The following PPP2R5E variants were observed in gnomAD, a reference collection of about 807,000 sequenced individuals.
PPP2R5E encodes the protein protein phosphatase 2 regulatory subunit B'epsilon, also known as serine/threonine-protein phosphatase 2A 56 kDa regulatory subunit epsilon isoform.
PPP2R5E carries 4 observed loss-of-function variants against 65.3 expected under a neutral mutation model. The ratio of observed to expected loss-of-function variants is 0.06; its 90% CI spans 0.03 to 0.14. The LOEUF is 0.14. Among genes scored for constraint, PPP2R5E ranks in the 10% least tolerant of loss-of-function variants. The probability of loss-of-function intolerance (pLI) is 1.00; values close to 1 mark genes in which losing one functional copy is unlikely to be tolerated. For synonymous variants in PPP2R5E, 183 were observed against 187.4 expected (o/e 0.98, Z 0.19); for missense variants, 274 against 556.1 (o/e 0.49, Z 5.10).
chr14:63,382,015 T>A, intron 13 of PPP2R5E, 41 bp downstream of exon 13: 1 of 1,500,942 alleles, frequency 6.7e-7, no homozygotes, highest in Non-Finnish European at 9.1e-7. Context: ...AAAAACTCAA[T>A]AGCTTTATGC....
chr14:63,496,743 T>G (rs371359443), intron 2 of PPP2R5E, among the ~76,000 whole-genome samples: 374 of 152,238 alleles, frequency 2.5e-3, no homozygotes, highest in Non-Finnish European at 3.8e-3. Context: ...CTAATGGATG[T>G]GATTTTTCTT....
At position 63,374,126 on chromosome 14, in the gene PPP2R5E, G is replaced by GT. The variant is rs962506382; in HGVS notation, c.*1882dup. ...GGAATTAACAATGCCAGTTTTGTTT[G>GT]TTTTTTTACAAAGTTACCGAGATGA... is the stretch of plus-strand genomic sequence containing the variant. On this transcript the variant is annotated 3_prime_UTR_variant, in exon 14 of 14. Transcript: ENST00000337537. The GT allele has an allele frequency of 2.2e-4, 20 of 90,920 alleles. No homozygotes were observed. The highest frequency in any genetic ancestry group is 4.2e-4 in the Non-Finnish European group (17 of 40,296). 5.6% of individuals were successfully genotyped at this position (90,920 alleles called of 1,614,324 possible).
chr14:63,459,429 C>T (rs8004195), intron 2 of PPP2R5E, among the ~76,000 whole-genome samples: 4,647 of 152,170 alleles, frequency 0.031, 214 homozygotes, highest in African/African-American at 0.1. Flanking sequence ...TTCCTCAAAA[C>T]GAGGAGACAA....
Position 63,429,951 on chromosome 14 carries a change from C to T in PPP2R5E, c.355-7857G>A, listed in dbSNP as rs148668273. On this transcript the variant is annotated intron_variant, in intron 3 of 13. Coordinates refer to ENST00000337537, the MANE Select transcript of PPP2R5E (RefSeq NM_006246.5). ...CACCCGCCTTGGCCTCCCAAAGTGC[C>T]GGGATTACAGGCGTGAGCCCCTGCA... is the stretch of plus-strand genomic sequence containing the variant. Among the ~76,000 whole-genome samples, 9 of 151,974 alleles carry T rather than the reference C, an allele frequency of 5.9e-5. No homozygotes were observed. The East Asian group carries it at 9.7e-4, about 16-fold the overall frequency.
Position 63,379,828 on chromosome 14 carries a change from T to C in PPP2R5E, c.1304+2228A>G, listed in dbSNP as rs77370540. Among the ~76,000 whole-genome samples, 320 of 72,502 alleles carry C rather than the reference T, an allele frequency of 4.4e-3. 5 individuals carry two copies. Among genetic ancestry groups the C allele is most frequent in the African/African-American group, 0.042 (189 of 4,536 alleles). 47.6% of individuals were successfully genotyped at this position (72,502 alleles called of 152,430 possible). A position where few individuals can be genotyped will look rare whatever the true frequency, so the allele number is the denominator to read the frequency against. On this transcript the variant is annotated intron_variant, in intron 13 of 13. Coordinates refer to ENST00000337537, the MANE Select transcript of PPP2R5E (RefSeq NM_006246.5). The stretch of plus-strand genomic sequence containing the variant: ...AGTTGTTCTTCAATATTCTCTCTCT[T>C]TTTTTTTTTTTTTTTTTTTTTTTTG...
At chr14:63,413,705 C>A (rs1886531151) in intron 5 of PPP2R5E, among the ~76,000 whole-genome samples, 1 of 152,158 alleles carries the variant, frequency 6.6e-6, no homozygotes, top group Admixed American at 6.6e-5. Flanking sequence ...GTATCACTTA[C>A]ATTTTTTTTG....
chr14:63,470,403 A>AC (rs11417980), intron 2 of PPP2R5E, among the ~76,000 whole-genome samples: 48,962 of 150,068 alleles, frequency 0.33, 10,668 homozygotes, highest in African/African-American at 0.62. Context: ...CCCAGTTCCA[A>AC]CCCCAAGGCA....
At chr14:63,392,127 T>A in intron 8 of PPP2R5E, 102 bp from the exon 9 acceptor site, 1 of 760,368 alleles carries the variant, frequency 1.3e-6, no homozygotes, top group Non-Finnish European at 2.0e-6. Flanking sequence ...AGACTGCTTT[T>A]AATAACTTCA....
chr14:63,524,180 C>G (rs927913266), intron 2 of PPP2R5E, among the ~76,000 whole-genome samples: 1 of 152,078 alleles, frequency 6.6e-6, no homozygotes, highest in Non-Finnish European at 1.5e-5. Context: ...CACAAGCAGC[C>G]CTGAATTAAT....
chr14:63,396,509 A>C, intron 6 of PPP2R5E, 77 bp downstream of exon 6: 1 of 1,527,870 alleles, frequency 6.5e-7, no homozygotes. Flanking sequence ...CACCGTTTTC[A>C]GATATTTGAG....
At chr14:63,508,338 G>A (rs1334972653) in intron 2 of PPP2R5E, 2 of 431,752 alleles carry the variant, frequency 4.6e-6, no homozygotes, top group African/African-American at 2.2e-5. Flanking sequence ...CAAAACAACT[G>A]CATATATTCG....
At chr14:63,389,920 G>A (rs1444204881) in intron 10 of PPP2R5E, among the ~76,000 whole-genome samples, 189 bp from the exon 11 acceptor site, 1 of 152,040 alleles carries the variant, frequency 6.6e-6, no homozygotes, top group Admixed American at 6.5e-5. Context: ...AGGGTACTTG[G>A]AAAAATTCTA....
At chr14:63,411,644 G>T in intron 5 of PPP2R5E, among the ~76,000 whole-genome samples, 1 of 132,118 alleles carries the variant, frequency 7.6e-6, no homozygotes, top group African/African-American at 2.9e-5. Context: ...TAGCTACCGT[G>T]AGATGTGGTT....
chr14:63,382,195 C>T, intron 12 of PPP2R5E, 38 bp from the exon 13 acceptor site: 1 of 1,520,746 alleles, frequency 6.6e-7, no homozygotes, highest in South Asian at 1.2e-5. Context: ...GTTAGTTAGT[C>T]TTATAAAATG....
intron 2 of PPP2R5E, among the ~76,000 whole-genome samples, chr14:63,455,753 A>G (rs559911851): frequency 7.2e-4 from 109 of 152,352 alleles, no homozygotes; most frequent in African/African-American, 2.5e-3. Context: ...AATTACTAAA[A>G]TCTTTCGAGA....
chr14:63,527,366 A>G (rs1232316141), intron 2 of PPP2R5E, among the ~76,000 whole-genome samples: 31 of 152,266 alleles, frequency 2.0e-4, no homozygotes, highest in Admixed American at 1.6e-3. Context: ...CTTTAAAAGT[A>G]TAATTCTCAC....
intron 2 of PPP2R5E, among the ~76,000 whole-genome samples, chr14:63,519,364 C>A (rs570978581): frequency 6.6e-6 from 1 of 150,414 alleles, no homozygotes; most frequent in African/African-American, 2.4e-5. Flanking sequence ...CTTTTTTTTT[C>A]TCTTGAGACA....
chr14:63,395,208 T>C lies in PPP2R5E; in HGVS notation c.740+18A>G. On this transcript the variant is annotated intron_variant, in intron 7 of 13. Transcript: ENST00000337537. ...ATAATATTCATCTGAGATTAGCAAT[T>C]AGAAAAACCGTGCTCACCTTCCTAA... The C allele has an allele frequency of 6.3e-7, 1 of 1,596,608 alleles. No individual in the cohort carries two copies. The highest frequency in any genetic ancestry group is 8.6e-7 in the Non-Finnish European group (1 of 1,165,070).
intron 3 of PPP2R5E, among the ~76,000 whole-genome samples, chr14:63,429,749 T>C (rs1442052008): frequency 6.6e-6 from 1 of 152,012 alleles, no homozygotes; most frequent in Non-Finnish European, 1.5e-5. Flanking sequence ...AATGGCACCA[T>C]CTTGGCTCAC....
Sources: gnomAD v4.1 joint callset for allele counts (sites outside exome capture counted in the v4.1 genomes callset) on GRCh38, gnomAD v4.1.1 for gene constraint, MANE v1.5 for transcripts, NCBI Gene and HGNC (gene_info 2026-07-23, HGNC 2026-07-21) for gene names.